The following EFNA5 variants were observed in gnomAD, a reference collection of about 807,000 sequenced individuals.
EFNA5 encodes the protein ephrin-A5.
Under a neutral mutation model 22.9 loss-of-function variants are expected in EFNA5, and 5 were observed. That is an observed-to-expected ratio of 0.22 (90% CI 0.11 to 0.46). EFNA5 has a LOEUF of 0.46. Ranked by LOEUF, EFNA5 falls within the 20% of genes least tolerant of loss-of-function variation. EFNA5 has a pLI of 0.99. For missense variants in EFNA5, 237 were observed against 293.3 expected (o/e 0.81, Z 1.40); for synonymous variants, 113 against 112.2 (o/e 1.01, Z -0.04).
At chr5:107,641,929 C>G (rs1357983052) in intron 1 of EFNA5, among the ~76,000 whole-genome samples, 3 of 152,066 alleles carry the variant, frequency 2.0e-5, no homozygotes, top group Non-Finnish European at 4.4e-5. Flanking sequence ...ATGCTCAACC[C>G]AATGGCTAGC....
intron 1 of EFNA5, among the ~76,000 whole-genome samples, chr5:107,658,521 A>C (rs923901809): frequency 1.1e-4 from 16 of 152,234 alleles, no homozygotes; most frequent in Non-Finnish European, 2.2e-4. Flanking sequence ...TTAGAAAGGA[A>C]CATTAGGCAT....
At chr5:107,531,136 G>A (rs554040862) in intron 1 of EFNA5, among the ~76,000 whole-genome samples, 1 of 152,260 alleles carries the variant, frequency 6.6e-6, no homozygotes, top group South Asian at 2.1e-4. Flanking sequence ...AGTCAAAAGA[G>A]GGATAAGTCT....
At chr5:107,486,165 C>T (rs1031093090) in intron 1 of EFNA5, among the ~76,000 whole-genome samples, 1 of 152,122 alleles carries the variant, frequency 6.6e-6, no homozygotes, top group Non-Finnish European at 1.5e-5. Context: ...ATTTGATGGA[C>T]ATGAAATAGC....
At chr5:107,410,075 C>T (rs1748323523) in intron 2 of EFNA5, among the ~76,000 whole-genome samples, 1 of 133,260 alleles carries the variant, frequency 7.5e-6, no homozygotes. Flanking sequence ...GTTGCCCAGG[C>T]TGGAGTGCAG....
intron 2 of EFNA5, among the ~76,000 whole-genome samples, chr5:107,398,145 T>G (rs1256584993): frequency 6.6e-6 from 1 of 152,112 alleles, no homozygotes; most frequent in Non-Finnish European, 1.5e-5. Context: ...TCTTTATCCC[T>G]CCTACTCTTT....
chr5:107,471,352 T>C (rs1363840688), intron 1 of EFNA5, among the ~76,000 whole-genome samples: 2 of 152,198 alleles, frequency 1.3e-5, no homozygotes, highest in East Asian at 1.9e-4. Context: ...TTAAGTTCTG[T>C]TAAGCTTTCA....
At chr5:107,445,301 G>A (rs542024098) in intron 1 of EFNA5, among the ~76,000 whole-genome samples, 2 of 152,244 alleles carry the variant, frequency 1.3e-5, no homozygotes, top group South Asian at 4.1e-4. Flanking sequence ...GGGATTACAG[G>A]TGTGAGCCAC....
At chr5:107,663,771 A>G (rs1751013922) in intron 1 of EFNA5, among the ~76,000 whole-genome samples, 1 of 152,146 alleles carries the variant, frequency 6.6e-6, no homozygotes, top group Non-Finnish European at 1.5e-5. Context: ...TATAAAAATT[A>G]AGAGCATTTT....
intron 1 of EFNA5, among the ~76,000 whole-genome samples, chr5:107,555,047 T>C (rs1180308921): frequency 6.6e-6 from 1 of 152,190 alleles, no homozygotes; most frequent in Non-Finnish European, 1.5e-5. Flanking sequence ...CTCGGTAACC[T>C]GGGCATTCTC....
intron 1 of EFNA5, among the ~76,000 whole-genome samples, chr5:107,462,022 T>C (rs1206439442): frequency 6.6e-6 from 1 of 152,174 alleles, no homozygotes; most frequent in Non-Finnish European, 1.5e-5. Context: ...TCATCAATTA[T>C]TTCCTGCAAC....
chr5:107,664,112 C>A (rs1400833234), intron 1 of EFNA5, among the ~76,000 whole-genome samples: 1 of 151,968 alleles, frequency 6.6e-6, no homozygotes, highest in African/African-American at 2.4e-5. Flanking sequence ...TATTCAGAAG[C>A]CTCAAAAACA....
At chr5:107,483,851 A>G (rs575593805) in intron 1 of EFNA5, among the ~76,000 whole-genome samples, 1 of 152,304 alleles carries the variant, frequency 6.6e-6, no homozygotes, top group South Asian at 2.1e-4. Flanking sequence ...ATTATTATTC[A>G]TCTGGTGGGT....
chr5:107,559,221 A>G (rs972447182), intron 1 of EFNA5, among the ~76,000 whole-genome samples: 1 of 152,176 alleles, frequency 6.6e-6, no homozygotes, highest in African/African-American at 2.4e-5. Context: ...GCACCTTTGC[A>G]GCCCTGCTGG....
intron 1 of EFNA5, among the ~76,000 whole-genome samples, chr5:107,495,235 G>A (rs530348260): frequency 2.0e-5 from 3 of 152,228 alleles, no homozygotes; most frequent in African/African-American, 7.2e-5. Flanking sequence ...AAGATCTGCG[G>A]CTCCACTCCT....
At chr5:107,559,748 A>C (rs897315968) in intron 1 of EFNA5, among the ~76,000 whole-genome samples, 1 of 152,200 alleles carries the variant, frequency 6.6e-6, no homozygotes, top group African/African-American at 2.4e-5. Flanking sequence ...CTAGGAGTAA[A>C]ATTGCTGAAA....
chr5:107,440,517 T>C (rs1354119317), intron 1 of EFNA5, among the ~76,000 whole-genome samples: 1 of 152,180 alleles, frequency 6.6e-6, no homozygotes, highest in Non-Finnish European at 1.5e-5. Context: ...TGAGGCAAGG[T>C]TAATGTCAAG....
chr5:107,641,021 T>TAGATAGATAGATAGAC lies in EFNA5; in HGVS notation c.125+29467_125+29468insGTCTATCTATCTATCT, dbSNP rs796272956. Reference sequence around the variant, plus strand: ...ATAGATAGATAGATAGATAGATAGATAGACAGACAGACAGACAGATAGATA... The same window carrying TAGATAGATAGATAGAC: ...ATAGATAGATAGATAGATAGATAGATAGATAGATAGATAGACAGACAGACAGACAGACAGATAGATA... On this transcript the variant is annotated intron_variant, in intron 1 of 4. Transcript: ENST00000333274. Among the ~76,000 whole-genome samples, 408 of 111,998 alleles carry TAGATAGATAGATAGAC rather than the reference T, an allele frequency of 3.6e-3. 1 individual carries two copies. Among genetic ancestry groups the TAGATAGATAGATAGAC allele is most frequent in the Middle Eastern group, 9.7e-3 (2 of 206 alleles). 73.5% of individuals were successfully genotyped at this position (111,998 alleles called of 152,430 possible).
At chr5:107,644,254 T>A (rs1232506704) in intron 1 of EFNA5, among the ~76,000 whole-genome samples, 1 of 152,124 alleles carries the variant, frequency 6.6e-6, no homozygotes, top group Non-Finnish European at 1.5e-5. Context: ...TAGTGATAAA[T>A]AGTCACCTTG....
intron 1 of EFNA5, among the ~76,000 whole-genome samples, chr5:107,477,904 T>C (rs887011367): frequency 1.3e-5 from 2 of 152,154 alleles, no homozygotes; most frequent in Admixed American, 6.5e-5. Context: ...GTTTTGAAAC[T>C]CACTTTAACA....
Sources: allele counts gnomAD v4.1 joint callset (sites outside exome capture counted in the v4.1 genomes callset), GRCh38; gene constraint gnomAD v4.1.1; transcripts MANE v1.5; gene names NCBI Gene and HGNC (gene_info 2026-07-23, HGNC 2026-07-21).